The following MUC13 variants were observed in gnomAD, a reference collection of about 807,000 sequenced individuals.
The protein encoded by MUC13 is mucin-13.
In MUC13, 32 loss-of-function variants were observed where a neutral mutation model predicts 48.3. That is an observed-to-expected ratio of 0.66 (90% confidence interval 0.50 to 0.89). MUC13 has a LOEUF of 0.89. MUC13 is among the 40% of genes least tolerant of loss of function. The pLI, the probability that MUC13 is intolerant of heterozygous loss-of-function variation, is 0.00. For missense variants in MUC13, 571 were observed against 622.8 expected (o/e 0.92, Z 0.88); for synonymous variants, 199 against 224.9 (o/e 0.88, Z 1.03).
intron 5 of MUC13, among the ~76,000 whole-genome samples, chr3:124,917,338 T>C (rs1452645035): frequency 7.1e-6 from 1 of 140,810 alleles, no homozygotes; most frequent in Non-Finnish European, 1.5e-5. Flanking sequence ...TTTTTTTCTA[T>C]ACACCTTTTT....
At position 124,919,957 on chromosome 3, in the gene MUC13, C is replaced by A. The variant is rs181948811; in HGVS notation, c.800+277G>T. 3.9e-5 allele frequency among the ~76,000 whole-genome samples: 6 copies of A among 152,280 alleles called. No homozygotes were observed. In the East Asian group the frequency reaches 1.2e-3, roughly 29 times the overall value. ...ATGGGATCAAGACAAACAAAGAGAT[C>A]CAGATGATGTCCTGGACCATGTGCA... On this transcript the variant is annotated intron_variant, in intron 5 of 11. Transcript: ENST00000616727.
chr3:124,915,375 T>C (rs140139982), intron 6 of MUC13, among the ~76,000 whole-genome samples: 54 of 152,332 alleles, frequency 3.5e-4, no homozygotes, highest in African/African-American at 1.2e-3. Flanking sequence ...ACTTGAGAAA[T>C]ATTTGTGCAT....
intron 1 of MUC13, among the ~76,000 whole-genome samples, chr3:124,930,022 C>A (rs1456000725): frequency 8.5e-5 from 13 of 152,214 alleles, no homozygotes; most frequent in African/African-American, 3.1e-4. Context: ...GTGGAAAACT[C>A]TGGACAGAAG....
At chr3:124,912,872 G>T (rs1935446199) in intron 8 of MUC13, among the ~76,000 whole-genome samples, 1 of 148,342 alleles carries the variant, frequency 6.7e-6, no homozygotes. Flanking sequence ...GGGGGTGGAG[G>T]TTGCAGTGAG....
Position 124,927,594 on chromosome 3 carries a change from T to C in MUC13, c.452A>G (p.Asn151Ser), listed in dbSNP as rs370420488. 1.2e-6 allele frequency: 2 copies of C among 1,614,112 alleles called. No individual in the cohort carries two copies. The highest frequency in any genetic ancestry group is 1.1e-5 in the South Asian group (1 of 91,082). The part of the protein sequence containing the change: ...NNEMSPTTED[N>S]QSSGPPTGTA... Reference sequence around the variant, plus strand: ...GCCAGTGGGAGGCCCTGATGATTGATTGTCTTCTGTGGTGGGGGACATTTC... The same window carrying C: ...GCCAGTGGGAGGCCCTGATGATTGACTGTCTTCTGTGGTGGGGGACATTTC... The change falls in exon 2 of 12, where the codon AAT becomes AGT. Residue 151 changes from asparagine (N) to serine (S), a missense_variant. Asn to Ser is a conservative substitution (Grantham distance 46). Transcript: ENST00000616727.
chr3:124,908,072 G>T, intron 11 of MUC13, 75 bp downstream of exon 11: 1 of 1,431,662 alleles, frequency 7.0e-7, no homozygotes, highest in Non-Finnish European at 9.6e-7. Context: ...AAGGATTGAA[G>T]ATTCAGCAAC....
At position 124,912,123 on chromosome 3, in the gene MUC13, A is replaced by C; in HGVS notation, c.1233T>G (p.Ser411Arg). The change falls in exon 9 of 12, where the codon AGT (serine) becomes AGG (arginine). Residue 411 changes from serine (S) to arginine (R), a missense_variant. By Grantham distance (110) the Ser-to-Arg change is moderately radical. Coordinates refer to ENST00000616727, the MANE Select transcript of MUC13 (RefSeq NM_033049.4). ...GNCQKCAFGY[S>R]GLDCKDKFQL... ...ACTCACTGTCCTTACAGTCGAGTCC[A>C]CTGTAGCCAAATGCACACCTGAAAT... The C allele has an allele frequency of 6.2e-7, 1 of 1,613,170 alleles. No homozygotes were observed.
rs1935318852 is a variant in MUC13 at position 124,906,357 on chromosome 3, G to A, written c.*386C>T. ...GGGAATTAGGTCACTTAACTCAAGA[G>A]CAATGTTTGCCCAGGAGCAAGCAAT... On this transcript the variant is annotated 3_prime_UTR_variant, in exon 12 of 12. Transcript: ENST00000616727. The A allele has an allele frequency of 6.6e-6, 1 of 152,500 alleles. No individual in the cohort carries two copies. Among genetic ancestry groups the A allele is most frequent in the Non-Finnish European group, 1.5e-5 (1 of 68,014 alleles). The allele number at this position is 152,500 out of a possible 1,614,324, so 9.4% of individuals were successfully genotyped here.
Position 124,908,209 on chromosome 3 carries a change from T to C in MUC13, c.1477A>G (p.Arg493Gly). 1.2e-6 allele frequency: 2 copies of C among 1,614,192 alleles called. No homozygotes were observed. The highest frequency in any genetic ancestry group is 1.7e-6 in the Non-Finnish European group (2 of 1,180,034). The change falls in exon 11 of 12, where the codon AGA (arginine) becomes GGA (glycine). Residue 493 changes from arginine (R) to glycine (G), a missense_variant. Physicochemically the swap from Arg to Gly is moderately radical, Grantham distance 125. Coordinates refer to ENST00000616727, the MANE Select transcript of MUC13 (RefSeq NM_033049.4). ...TAGGGATTTTGCATCTGGCTGTCTC[T>C]GGAGGCCGTTATCCTGACCTTAGGA... Reference protein sequence around the residue: ...VFPKVRITASRDSQMQNPYSR... With the variant: ...VFPKVRITASGDSQMQNPYSR...
chr3:124,911,182 T>C (rs1302006863), intron 9 of MUC13, among the ~76,000 whole-genome samples: 5 of 152,272 alleles, frequency 3.3e-5, no homozygotes, highest in South Asian at 4.1e-4. Flanking sequence ...TGTTTCTTTT[T>C]ACTTCTAACA....
intron 8 of MUC13, among the ~76,000 whole-genome samples, chr3:124,912,722 G>A (rs1379413790): frequency 3.9e-5 from 6 of 152,046 alleles, no homozygotes; most frequent in African/African-American, 1.4e-4. Flanking sequence ...TGGATCATGA[G>A]GTCAGGAGTT....
At chr3:124,912,362 A>T (rs1170834310) in intron 8 of MUC13, among the ~76,000 whole-genome samples, 1 of 152,130 alleles carries the variant, frequency 6.6e-6, no homozygotes, top group African/African-American at 2.4e-5. Flanking sequence ...AATCTCATGC[A>T]GGCTCATTTG....
chr3:124,918,560 A>C (rs1291300749), intron 5 of MUC13, among the ~76,000 whole-genome samples: 1 of 152,168 alleles, frequency 6.6e-6, no homozygotes, highest in Non-Finnish European at 1.5e-5. Context: ...TCCAAATTTT[A>C]TCTCAGTTAC....
At chr3:124,913,813 A>G (rs1365558566) in intron 6 of MUC13, 132 bp from the exon 7 acceptor site, 1 of 943,936 alleles carries the variant, frequency 1.1e-6, no homozygotes, top group African/African-American at 1.6e-5. Context: ...GCAGTGGCTC[A>G]CAACTGTAAT....
At position 124,908,316 on chromosome 3, in the gene MUC13, T is replaced by G; in HGVS notation, c.1370A>C (p.Glu457Ala). Residue 457 changes from glutamate (E) to alanine (A), a missense_variant, in exon 11 of 12, where the codon GAG becomes GCG. By Grantham distance (107) the Glu-to-Ala change is moderately radical. Transcript: ENST00000616727. ...TTGAAAGTCTTCGTCAATCAAGTTC[T>G]CTTCTTCAATATGCTTCGTTTTGTT... ...SNNKTKHIEE[E>A]NLIDEDFQNL... The G allele has an allele frequency of 6.2e-7, 1 of 1,614,240 alleles. No homozygotes were observed. Among genetic ancestry groups the G allele is most frequent in the Non-Finnish European group, 8.5e-7 (1 of 1,180,032 alleles).
intron 11 of MUC13, among the ~76,000 whole-genome samples, chr3:124,907,426 G>C (rs779525949): frequency 6.6e-6 from 1 of 152,088 alleles, no homozygotes; most frequent in South Asian, 2.1e-4. Context: ...GACCAGCCTG[G>C]GCAACATGGC....
intron 6 of MUC13, 91 bp downstream of exon 6, chr3:124,916,226 T>C (rs1234530479): frequency 1.0e-6 from 1 of 963,386 alleles, no homozygotes; most frequent in African/African-American, 1.6e-5. Flanking sequence ...ATGATGCAGT[T>C]CTTGTCTCCT....
intron 4 of MUC13, among the ~76,000 whole-genome samples, chr3:124,920,843 T>G (rs1935583102): frequency 6.6e-6 from 1 of 152,240 alleles, no homozygotes; most frequent in South Asian, 2.1e-4. Flanking sequence ...ACATCCGTGC[T>G]GGCACATTTG....
chr3:124,927,421 A>T (rs563435604), intron 2 of MUC13, 111 bp downstream of exon 2: 142 of 965,122 alleles, frequency 1.5e-4, no homozygotes, highest in Non-Finnish European at 2.2e-4. Context: ...TTCCAAAGAA[A>T]CCTTGGGCCT....
Sources: gnomAD v4.1 joint callset for allele counts (sites outside exome capture counted in the v4.1 genomes callset) on GRCh38, gnomAD v4.1.1 for gene constraint, MANE v1.5 for transcripts, NCBI Gene and HGNC (gene_info 2026-07-23, HGNC 2026-07-21) for gene names.